ANKS1B: variants seen among roughly 807,000 people sequenced by gnomAD.
The protein encoded by ANKS1B is ankyrin repeat and sterile alpha motif domain-containing protein 1B.
ANKS1B carries 36 observed loss-of-function variants against 148.3 expected under a neutral mutation model. That is an observed-to-expected ratio of 0.24 (90% confidence interval 0.19 to 0.32). ANKS1B has a LOEUF of 0.32. ANKS1B is among the 10% of genes least tolerant of loss of function. The pLI is 1.00. For missense variants in ANKS1B, 1,157 were observed against 1,542.6 expected (o/e 0.75, Z 4.19); for synonymous variants, 542 against 560.8 (o/e 0.97, Z 0.47).
chr12:99,066,023 G>T (rs2044194448), intron 16 of ANKS1B, among the ~76,000 whole-genome samples: 2 of 152,044 alleles, frequency 1.3e-5, no homozygotes, highest in Admixed American at 1.3e-4. Context: ...AAGATTTAAA[G>T]ACAGTGGATT....
At chr12:99,537,956 G>A (rs1445577139) in intron 9 of ANKS1B, among the ~76,000 whole-genome samples, 2 of 152,028 alleles carry the variant, frequency 1.3e-5, no homozygotes, top group African/African-American at 2.4e-5. Context: ...TAGGGGTCTT[G>A]TTTCATTATT....
chr12:98,993,383 G>A (rs1032920094), intron 17 of ANKS1B, among the ~76,000 whole-genome samples: 83 of 152,258 alleles, frequency 5.5e-4, no homozygotes, highest in Middle Eastern at 3.4e-3. Context: ...TGGCCAGGCT[G>A]GTCTCCAATT....
At chr12:99,583,247 C>T (rs2153229669) in intron 9 of ANKS1B, among the ~76,000 whole-genome samples, 1 of 152,136 alleles carries the variant, frequency 6.6e-6, no homozygotes, top group South Asian at 2.1e-4. Context: ...AAGAGAGTAA[C>T]AACACAACTG....
intron 17 of ANKS1B, among the ~76,000 whole-genome samples, chr12:98,834,426 C>A (rs1297254918): frequency 6.6e-6 from 1 of 152,174 alleles, no homozygotes; most frequent in African/African-American, 2.4e-5. Context: ...CTTTTAGCTG[C>A]AGTAGGAATA....
intron 10 of ANKS1B, among the ~76,000 whole-genome samples, chr12:99,447,359 C>G (rs762419188): frequency 6.6e-6 from 1 of 152,048 alleles, no homozygotes; most frequent in Admixed American, 6.6e-5. Context: ...GTCTGTACTT[C>G]CAGCTACTTG....
Position 99,558,400 on chromosome 12 carries a change from G to A in ANKS1B, c.1273-53759C>T, listed in dbSNP as rs576123548. Among the ~76,000 whole-genome samples the A allele has an allele frequency of 7.9e-5, 12 of 152,240 alleles. 2 individuals carry two copies. In the South Asian group the frequency reaches 2.3e-3, roughly 29 times the overall value. The stretch of plus-strand genomic sequence containing the variant: ...GGGGTACACACACGCATGCCAGCAT[G>A]GGATGGGAGGCAAGGTCTACTCACA... On this transcript the variant is annotated intron_variant, in intron 9 of 26. Transcript: ENST00000683438.
chr12:98,773,327 G>A (rs1228926680), intron 24 of ANKS1B, 148 bp from the exon 25 acceptor site: 1 of 827,200 alleles, frequency 1.2e-6, no homozygotes, highest in African/African-American at 1.8e-5. Flanking sequence ...TATATTATTT[G>A]TGGGTAAATG....
chr12:99,422,130 A>G (rs2095106696), intron 11 of ANKS1B, among the ~76,000 whole-genome samples: 1 of 152,192 alleles, frequency 6.6e-6, no homozygotes. Context: ...CTTTAGAGCA[A>G]TGCAAGAATG....
intron 9 of ANKS1B, among the ~76,000 whole-genome samples, chr12:99,583,814 A>T (rs538756641): frequency 1.3e-5 from 2 of 152,218 alleles, no homozygotes; most frequent in Non-Finnish European, 2.9e-5. Flanking sequence ...GATCCAAAGG[A>T]CTTTAATTTT....
At chr12:99,566,408 T>C (rs1460781708) in intron 9 of ANKS1B, among the ~76,000 whole-genome samples, 1 of 152,202 alleles carries the variant, frequency 6.6e-6, no homozygotes, top group East Asian at 1.9e-4. Context: ...CTCCTTCTAA[T>C]TTCCAATAAC....
intron 25 of ANKS1B, among the ~76,000 whole-genome samples, chr12:98,756,981 G>A (rs549636365): frequency 5.9e-5 from 9 of 151,662 alleles, no homozygotes; most frequent in South Asian, 2.1e-4. Context: ...CATCCGCCTC[G>A]GCCTCCCAAA....
intron 17 of ANKS1B, among the ~76,000 whole-genome samples, chr12:98,859,926 A>G (rs2099590035): frequency 6.6e-6 from 1 of 152,160 alleles, no homozygotes; most frequent in Admixed American, 6.5e-5. Context: ...TATTTTCTTT[A>G]TTACACAGGA....
intron 8 of ANKS1B, among the ~76,000 whole-genome samples, chr12:99,669,883 T>C (rs930512684): frequency 2.0e-5 from 3 of 152,136 alleles, no homozygotes; most frequent in Admixed American, 1.3e-4. Flanking sequence ...CCTGGCACCA[T>C]ATTTAGGAAT....
chr12:99,668,391 C>T (rs571739087), intron 8 of ANKS1B, among the ~76,000 whole-genome samples: 2 of 151,798 alleles, frequency 1.3e-5, no homozygotes, highest in South Asian at 4.2e-4. Flanking sequence ...ATCATTCTCA[C>T]TTTGGGTTTA....
chr12:99,671,257 T>G (rs1450415739), intron 8 of ANKS1B, among the ~76,000 whole-genome samples: 8 of 152,178 alleles, frequency 5.3e-5, no homozygotes, highest in Admixed American at 6.5e-5. Context: ...CTCTTGCTCT[T>G]TCACATGTTC....
intron 15 of ANKS1B, among the ~76,000 whole-genome samples, chr12:99,141,625 T>G (rs1389197753): frequency 6.9e-6 from 1 of 145,458 alleles, no homozygotes; most frequent in East Asian, 2.2e-4. Context: ...TTCCCCACCA[T>G]GTGTCCATGT....
At chr12:98,748,601 T>A (rs978217004) in intron 26 of ANKS1B, among the ~76,000 whole-genome samples, 2 of 152,204 alleles carry the variant, frequency 1.3e-5, no homozygotes, top group African/African-American at 2.4e-5. Context: ...TCCATAAAGC[T>A]GTGGGGAGGA....
intron 1 of ANKS1B, among the ~76,000 whole-genome samples, chr12:99,974,527 C>G (rs1414429883): frequency 6.6e-6 from 1 of 152,054 alleles, no homozygotes; most frequent in Non-Finnish European, 1.5e-5. Flanking sequence ...CAGCCATATA[C>G]TCTCTCATTT....
chr12:99,267,561 A>ACATTCATTCATTCATTCATTCATTCATT (rs10527065), intron 12 of ANKS1B, among the ~76,000 whole-genome samples: 6 of 151,622 alleles, frequency 4.0e-5, no homozygotes, highest in African/African-American at 1.2e-4. Flanking sequence ...ATTTGGCTGT[A>ACATTCATTCATTCATTCATTCATTCATT]CATTCATTCA....
Sources: gnomAD v4.1 joint callset for allele counts (sites outside exome capture counted in the v4.1 genomes callset) on GRCh38, gnomAD v4.1.1 for gene constraint, MANE v1.5 for transcripts, NCBI Gene and HGNC (gene_info 2026-07-23, HGNC 2026-07-21) for gene names.